JAZF1: variants seen among roughly 807,000 people sequenced by gnomAD.
JAZF1 encodes the protein juxtaposed with another zinc finger protein 1.
JAZF1 carries 8 observed loss-of-function variants against 26.4 expected under a neutral mutation model. That is an observed-to-expected ratio of 0.30 (90% confidence interval 0.18 to 0.55). The LOEUF (loss-of-function observed/expected upper bound fraction) is 0.55. Among genes scored for constraint, JAZF1 ranks in the 20% least tolerant of loss-of-function variants. The probability of loss-of-function intolerance (pLI) is 0.94; values close to 1 mark genes in which losing one functional copy is unlikely to be tolerated. For missense variants in JAZF1, 199 were observed against 322.0 expected, an observed-to-expected ratio of 0.62 and a Z score of 2.92; for synonymous variants, 126 against 122.3, an observed-to-expected ratio of 1.03 and a Z score of -0.20.
intron 1 of JAZF1, among the ~76,000 whole-genome samples, chr7:28,096,067 TG>T (rs200884217): frequency 6.6e-6 from 1 of 151,298 alleles, no homozygotes; most frequent in Non-Finnish European, 1.5e-5. Context: ...ATATGAAATT[TG>T]GGGGGGGCAC....
intron 2 of JAZF1, chr7:27,913,416 A>G (rs210): frequency 0.34 from 156,058 of 454,302 alleles, 27,782 homozygotes; most frequent in Admixed American, 0.44. Context: ...GGACAGCGAG[A>G]AGGGAGGTCT....
chr7:28,123,716 A>G (rs1782641064), intron 1 of JAZF1, among the ~76,000 whole-genome samples: 1 of 152,232 alleles, frequency 6.6e-6, no homozygotes, highest in Admixed American at 6.5e-5. Flanking sequence ...CCTTGTACAT[A>G]CACATCTATA....
intron 2 of JAZF1, among the ~76,000 whole-genome samples, chr7:27,984,215 G>T (rs1466785570): frequency 1.3e-5 from 2 of 152,188 alleles, no homozygotes; most frequent in Non-Finnish European, 2.9e-5. Flanking sequence ...CATCTCATGT[G>T]CAGAGACACA....
intron 1 of JAZF1, among the ~76,000 whole-genome samples, chr7:28,066,846 T>C (rs907837453): frequency 2.6e-5 from 4 of 152,132 alleles, no homozygotes; most frequent in Admixed American, 2.6e-4. Flanking sequence ...AATTCCATTT[T>C]ATGACTCCTG....
chr7:28,013,980 A>G (rs1782841046), intron 1 of JAZF1, among the ~76,000 whole-genome samples: 1 of 152,178 alleles, frequency 6.6e-6, no homozygotes. Context: ...ATTTTCCAAA[A>G]GCAACCAGTG....
chr7:28,011,585 C>T (rs1195929474), intron 1 of JAZF1, among the ~76,000 whole-genome samples: 4 of 152,180 alleles, frequency 2.6e-5, no homozygotes, highest in Non-Finnish European at 4.4e-5. Flanking sequence ...TATAAACACA[C>T]GGCTTTTTAA....
rs146608879 is a variant in JAZF1, at chr7:27,855,158, A to G, written c.386-14291T>C. Among the ~76,000 whole-genome samples, 743 of 152,120 alleles carry G rather than the reference A, an allele frequency of 4.9e-3. 10 individuals carry two copies. The highest frequency in any genetic ancestry group is 0.017 in the African/African-American group (707 of 41,494). On this transcript the variant is annotated intron_variant, in intron 3 of 4. Coordinates refer to ENST00000283928, the MANE Select transcript of JAZF1 (RefSeq NM_175061.4). ...TTTCTTCTGCTTGATCGATTCAGCT[A>G]TTGATACTTGTGTCAATGAGAACAA...
intron 1 of JAZF1, among the ~76,000 whole-genome samples, chr7:28,078,467 C>T (rs1485852884): frequency 1.3e-5 from 2 of 152,206 alleles, no homozygotes; most frequent in African/African-American, 4.8e-5. Context: ...ATCACCTACA[C>T]TGCCCTCTTG....
intron 1 of JAZF1, among the ~76,000 whole-genome samples, chr7:28,060,408 C>T (rs550609920): frequency 1.1e-4 from 16 of 152,270 alleles, no homozygotes; most frequent in African/African-American, 3.6e-4. Context: ...TTTAGGAATT[C>T]TGTAACGATT....
intron 1 of JAZF1, among the ~76,000 whole-genome samples, chr7:28,023,897 A>G (rs1366985617): frequency 6.6e-6 from 1 of 152,218 alleles, no homozygotes; most frequent in African/African-American, 2.4e-5. Context: ...AAAAAACACT[A>G]TATTAACCTA....
intron 1 of JAZF1, among the ~76,000 whole-genome samples, chr7:28,136,706 GGAGA>G: frequency 6.6e-6 from 1 of 152,324 alleles, no homozygotes; most frequent in African/African-American, 2.4e-5. Context: ...GTCTAGTTAG[GGAGA>G]GAGACAGGAG....
At chr7:27,976,344 CAAAAAAAAAAAA>C (rs55992845) in intron 2 of JAZF1, among the ~76,000 whole-genome samples, 5 of 80,462 alleles carry the variant, frequency 6.2e-5, no homozygotes, top group Non-Finnish European at 9.0e-5. Flanking sequence ...GACTCCGTCT[CAAAAAAAAAAAA>C]AAAAAAAAAA....
At chr7:27,929,994 C>G (rs564959069) in intron 2 of JAZF1, among the ~76,000 whole-genome samples, 1 of 150,776 alleles carries the variant, frequency 6.6e-6, no homozygotes, top group African/African-American at 2.4e-5. Flanking sequence ...CTCTCTCTCT[C>G]TCTTTCTTTC....
chr7:27,846,597 T>C (rs76255619), intron 3 of JAZF1: 8,654 of 468,776 alleles, frequency 0.018, 155 homozygotes, highest in East Asian at 0.088. Flanking sequence ...TGGTTAGCTC[T>C]ATTTTGCTAA....
chr7:28,113,881 A>G (rs1257230312), intron 1 of JAZF1, among the ~76,000 whole-genome samples: 1 of 152,216 alleles, frequency 6.6e-6, no homozygotes, highest in Non-Finnish European at 1.5e-5. Context: ...GGATCTCTAT[A>G]TATGAAATAA....
chr7:27,971,223 T>C (rs1785370465), intron 2 of JAZF1, among the ~76,000 whole-genome samples: 1 of 152,224 alleles, frequency 6.6e-6, no homozygotes, highest in South Asian at 2.1e-4. Flanking sequence ...GATGATATGG[T>C]TATGTGGATG....
chr7:27,960,484 G>T (rs1785168704), intron 2 of JAZF1, among the ~76,000 whole-genome samples: 1 of 152,228 alleles, frequency 6.6e-6, no homozygotes, highest in Admixed American at 6.5e-5. Flanking sequence ...GGATTGACTG[G>T]CTCTAACAAT....
At chr7:28,156,637 T>C (rs1224648571) in intron 1 of JAZF1, among the ~76,000 whole-genome samples, 1 of 152,192 alleles carries the variant, frequency 6.6e-6, no homozygotes, top group Non-Finnish European at 1.5e-5. Flanking sequence ...GAAACACAAA[T>C]TGCTGGGTCT....
In JAZF1 at chr7:28,090,273, A is replaced by G. The variant is rs562494229; in HGVS notation, c.115+90190T>C. On this transcript the variant is annotated intron_variant, in intron 1 of 4. Coordinates refer to ENST00000283928, the MANE Select transcript of JAZF1 (RefSeq NM_175061.4). ...TACCTTATGAACTCAATGAACATTA[A>G]CTGCCATTATCATCATCATCACCTT... Among the ~76,000 whole-genome samples the G allele has an allele frequency of 3.3e-5, 5 of 152,338 alleles. No homozygotes were observed. In the East Asian group the frequency reaches 9.6e-4, roughly 29 times the overall value.
Sources: gnomAD v4.1 joint callset for allele counts (sites outside exome capture counted in the v4.1 genomes callset) on GRCh38, gnomAD v4.1.1 for gene constraint, MANE v1.5 for transcripts, NCBI Gene and HGNC (gene_info 2026-07-23, HGNC 2026-07-21) for gene names.